The following MCC variants were observed in gnomAD, a reference collection of about 807,000 sequenced individuals.
The protein encoded by MCC is colorectal mutant cancer protein.
In MCC, 90 loss-of-function variants were observed where a neutral mutation model predicts 116.2. The ratio of observed to expected loss-of-function variants is 0.77; its 90% CI spans 0.65 to 0.92. The LOEUF is 0.92. MCC is among the 40% of genes least tolerant of loss of function. The pLI is 0.00. For missense variants in MCC, 1,516 were observed against 1,312.2 expected, an observed-to-expected ratio of 1.16 and a Z score of -2.40; for synonymous variants, 578 against 510.5, an observed-to-expected ratio of 1.13 and a Z score of -1.78.
At chr5:113,286,647 C>T (rs376824675) in intron 3 of MCC, among the ~76,000 whole-genome samples, 43 of 152,280 alleles carry the variant, frequency 2.8e-4, no homozygotes, top group African/African-American at 9.4e-4. Flanking sequence ...GTTCAATGGG[C>T]TTTTTTATTG....
intron 3 of MCC, among the ~76,000 whole-genome samples, chr5:113,273,068 A>C (rs912399503): frequency 3.9e-5 from 6 of 152,176 alleles, no homozygotes; most frequent in African/African-American, 1.4e-4. Flanking sequence ...TGAACTAAGG[A>C]GAGAGAACTA....
intron 6 of MCC, among the ~76,000 whole-genome samples, chr5:113,113,926 T>G (rs965476228): frequency 1.3e-5 from 2 of 151,968 alleles, no homozygotes; most frequent in African/African-American, 2.4e-5. Flanking sequence ...TTGGGGAAAT[T>G]TGAATATGGA....
At position 113,071,131 on chromosome 5, in the gene MCC, AT is replaced by A. The variant is rs1754009924; in HGVS notation, c.1887del (p.Glu629AspfsTer7). 1 of 1,613,862 alleles carries A rather than the reference AT, an allele frequency of 6.2e-7. No individual in the cohort carries two copies. Among genetic ancestry groups the A allele is most frequent in the South Asian group, 1.1e-5 (1 of 91,062 alleles). Reference protein sequence around the residue: ...ERMSMLVGKYESNATALRLAL... With the variant: ...ERMSMLVGKYXSNATALRLAL... ...GCCAGCCTCAGCGCTGTGGCATTGG[AT>A]TCGTATTTTCCCACCAGCATGCTCA... On this transcript the variant is annotated frameshift_variant, in exon 12 of 19. Coordinates refer to ENST00000408903, the MANE Select transcript of MCC (RefSeq NM_001085377.2). LOFTEE classifies it high-confidence loss of function.
At chr5:113,246,064 C>T (rs115928317) in intron 3 of MCC, among the ~76,000 whole-genome samples, 1 of 152,168 alleles carries the variant, frequency 6.6e-6, no homozygotes, top group African/African-American at 2.4e-5. Context: ...AAAGAATAAA[C>T]TCTTGGTAGA....
At chr5:113,217,646 T>C (rs993359991) in intron 3 of MCC, among the ~76,000 whole-genome samples, 1 of 148,746 alleles carries the variant, frequency 6.7e-6, no homozygotes, top group Non-Finnish European at 1.5e-5. Context: ...AGGAGGAAAG[T>C]GGGGCTCCAA....
chr5:113,155,392 C>G (rs1371328531), intron 3 of MCC, among the ~76,000 whole-genome samples: 1 of 152,168 alleles, frequency 6.6e-6, no homozygotes, highest in East Asian at 1.9e-4. Flanking sequence ...TTGCTTTGAA[C>G]AAATACCCAA....
intron 2 of MCC, among the ~76,000 whole-genome samples, chr5:113,384,338 C>G (rs1240998422): frequency 2.6e-5 from 4 of 152,176 alleles, no homozygotes; most frequent in Non-Finnish European, 5.9e-5. Flanking sequence ...CCTGTAATCC[C>G]AGCACTTTGG....
chr5:113,228,162 C>T (rs915184480), intron 3 of MCC, among the ~76,000 whole-genome samples: 11 of 152,328 alleles, frequency 7.2e-5, no homozygotes, highest in African/African-American at 2.6e-4. Flanking sequence ...TGAATAGGTA[C>T]AGGGCCTGCT....
At chr5:113,298,088 A>G (rs993446555) in intron 3 of MCC, among the ~76,000 whole-genome samples, 12 of 152,232 alleles carry the variant, frequency 7.9e-5, no homozygotes, top group Non-Finnish European at 1.6e-4. Context: ...TTAGAATAAT[A>G]AATAAAACCG....
chr5:113,082,005 G>A (rs1754890367), intron 11 of MCC, among the ~76,000 whole-genome samples: 2 of 152,176 alleles, frequency 1.3e-5, no homozygotes, highest in African/African-American at 4.8e-5. Flanking sequence ...CACCACACTC[G>A]GATGTGACTC....
At chr5:113,136,923 C>A (rs1012998719) in intron 5 of MCC, among the ~76,000 whole-genome samples, 1 of 152,162 alleles carries the variant, frequency 6.6e-6, no homozygotes, top group Non-Finnish European at 1.5e-5. Context: ...GTGGGCATCC[C>A]TGTCTTATTC....
At chr5:113,182,886 C>A (rs1019237582) in intron 3 of MCC, among the ~76,000 whole-genome samples, 3 of 152,158 alleles carry the variant, frequency 2.0e-5, no homozygotes, top group African/African-American at 4.8e-5. Flanking sequence ...AGGCTTGTGA[C>A]GAGGCCATAG....
intron 3 of MCC, among the ~76,000 whole-genome samples, chr5:113,184,479 G>GTTTTTTT (rs11303638): frequency 2.6e-5 from 3 of 115,140 alleles, no homozygotes; most frequent in African/African-American, 5.9e-5. Context: ...TTCGTTTTTT[G>GTTTTTTT]TTTTTTTTTT....
In MCC at chr5:113,051,227, T is replaced by C. The variant is rs369525882; in HGVS notation, c.2449-1928A>G. 1.2e-3 allele frequency among the ~76,000 whole-genome samples: 183 copies of C among 152,234 alleles called. 1 individual carries two copies. Among genetic ancestry groups the C allele is most frequent in the African/African-American group, 4.3e-3 (178 of 41,542 alleles). On this transcript the variant is annotated intron_variant, in intron 15 of 18. Coordinates refer to ENST00000408903, the MANE Select transcript of MCC (RefSeq NM_001085377.2). ...CACGGAAGACAGTTTCCACAGAGGA[T>C]GAGCTGGTGCTTGCATTCTCTCCCC...
chr5:113,113,933 TGG>T (rs1757249179), intron 6 of MCC, among the ~76,000 whole-genome samples: 2 of 151,624 alleles, frequency 1.3e-5, no homozygotes. Flanking sequence ...AATTTGAATA[TGG>T]ATTGTGGACT....
intron 17 of MCC, among the ~76,000 whole-genome samples, chr5:113,042,684 C>G (rs1490333213): frequency 6.6e-6 from 1 of 151,756 alleles, no homozygotes; most frequent in Non-Finnish European, 1.5e-5. Context: ...TCTGATAGGG[C>G]AGCCACAACC....
At chr5:113,030,352 A>G (rs1750869258) in intron 17 of MCC, among the ~76,000 whole-genome samples, 1 of 152,148 alleles carries the variant, frequency 6.6e-6, no homozygotes, top group Non-Finnish European at 1.5e-5. Context: ...TACCCATGCT[A>G]CCGAAATGCT....
chr5:113,122,868 A>C (rs757262531), intron 5 of MCC, 42 bp from the exon 6 acceptor site: 2 of 1,596,860 alleles, frequency 1.3e-6, no homozygotes, highest in South Asian at 2.2e-5. Context: ...CAGAGGATAT[A>C]AGACAACCCC....
chr5:113,155,795 A>G (rs1414338573), intron 3 of MCC, among the ~76,000 whole-genome samples: 2 of 152,196 alleles, frequency 1.3e-5, no homozygotes, highest in African/African-American at 4.8e-5. Flanking sequence ...TCCTCAACAC[A>G]TATTTCTCTT....
Sources: allele counts gnomAD v4.1 joint callset (sites outside exome capture counted in the v4.1 genomes callset), GRCh38; gene constraint gnomAD v4.1.1; transcripts MANE v1.5; gene names NCBI Gene and HGNC (gene_info 2026-07-23, HGNC 2026-07-21).